The following CRMP1 variants were observed in gnomAD, a reference collection of about 807,000 sequenced individuals.
CRMP1 encodes collapsin response mediator protein 1, also known as dihydropyrimidinase-related protein 1.
CRMP1 carries 19 observed loss-of-function variants against 68.3 expected under a neutral mutation model. The ratio of observed to expected loss-of-function variants is 0.28; its 90% CI spans 0.19 to 0.41. The LOEUF (loss-of-function observed/expected upper bound fraction) is 0.41. CRMP1 is among the 10% of genes least tolerant of loss of function. The pLI is 1.00. For missense variants in CRMP1, 791 were observed against 967.4 expected (o/e 0.82, Z 2.42); for synonymous variants, 439 against 399.6 (o/e 1.10, Z -1.18).
At chr4:5,832,451 A>G (rs6446398) in intron 11 of CRMP1, among the ~76,000 whole-genome samples, 71,581 of 152,178 alleles carry the variant, frequency 0.47, 20,077 homozygotes, top group African/African-American at 0.79. Context: ...GTTGTGTTTT[A>G]TAGAAAAGTA....
At chr4:5,822,110 G>A (rs1412793514) in intron 13 of CRMP1, among the ~76,000 whole-genome samples, 6 of 152,230 alleles carry the variant, frequency 3.9e-5, no homozygotes, top group African/African-American at 1.4e-4. Context: ...AGTAAAATCC[G>A]ACATTCCTGA....
Position 5,821,885 on chromosome 4 carries a change from T to A in CRMP1, c.1970-34A>T. On this transcript the variant is annotated intron_variant, in intron 13 of 13. Coordinates refer to ENST00000324989, the MANE Select transcript of CRMP1 (RefSeq NM_001014809.3). The surrounding 1 kb of genome is among the most constrained non-coding windows in gnomAD (Gnocchi z 4.4). ...GAGCGCCAATCGCTGCTGGATGGGA[T>A]CTGTTAGCATCAGTTCCACGCTGCT... 2 of 1,502,800 alleles carry A rather than the reference T, an allele frequency of 1.3e-6. No individual in the cohort carries two copies. Among genetic ancestry groups the A allele is most frequent in the South Asian group, 2.4e-5 (2 of 83,466 alleles). The allele number at this position is 1,502,800 out of a possible 1,614,324, so 93.1% of individuals were successfully genotyped here. A position where few individuals can be genotyped will look rare whatever the true frequency, so the allele number is the denominator to read the frequency against.
chr4:5,871,664 G>A (rs76608812), intron 1 of CRMP1, among the ~76,000 whole-genome samples: 5 of 151,370 alleles, frequency 3.3e-5, no homozygotes, highest in Non-Finnish European at 7.4e-5. Flanking sequence ...CCCGCTCCCC[G>A]CCCACCAAAA....
chr4:5,831,490 C>G (rs1720378766), intron 11 of CRMP1, among the ~76,000 whole-genome samples: 2 of 152,168 alleles, frequency 1.3e-5, no homozygotes, highest in African/African-American at 4.8e-5. Context: ...TTAGCATTTG[C>G]TAACCTAATT....
In CRMP1 at chr4:5,838,400, A is replaced by G. The variant is rs1451326182; in HGVS notation, c.1310+1122T>C. Reference sequence around the variant, plus strand: ...CTGGTTCCAAGCAGAGGGGTGCTTGATCTAATCTAGGTTCTAAATGTCTGA... The same window carrying G: ...CTGGTTCCAAGCAGAGGGGTGCTTGGTCTAATCTAGGTTCTAAATGTCTGA... On this transcript the variant is annotated intron_variant, in intron 9 of 13. Transcript: ENST00000324989. The surrounding 1 kb of genome is among the most constrained non-coding windows in gnomAD (Gnocchi z 4.9). Among the ~76,000 whole-genome samples, 1 of 151,676 alleles carries G rather than the reference A, an allele frequency of 6.6e-6. No individual in the cohort carries two copies. The highest frequency in any genetic ancestry group is 2.4e-5 in the African/African-American group (1 of 41,234).
intron 3 of CRMP1, 21 bp from the exon 4 acceptor site, chr4:5,856,328 T>G: frequency 6.2e-7 from 1 of 1,610,006 alleles, no homozygotes; most frequent in South Asian, 1.1e-5. Context: ...GAAATATGCA[T>G]CATGATGCTT....
chr4:5,823,545 C>T (rs991773342), intron 13 of CRMP1, among the ~76,000 whole-genome samples: 2 of 152,204 alleles, frequency 1.3e-5, no homozygotes, highest in African/African-American at 4.8e-5. Flanking sequence ...GGGTTTGGGT[C>T]ATGAAGGACA....
Position 5,834,935 on chromosome 4 carries a change from T to C in CRMP1, c.1623+980A>G, listed in dbSNP as rs1210943199. ...CCTCTGCTTCTGCAGGCCATGTCTG[T>C]GGCAGCCAATGGATACTCCAGGGCC... On this transcript the variant is annotated intron_variant, in intron 11 of 13. Transcript: ENST00000324989. The surrounding 1 kb of genome is among the most constrained non-coding windows in gnomAD (Gnocchi z 4.3). Among the ~76,000 whole-genome samples, 9 of 152,198 alleles carry C rather than the reference T, an allele frequency of 5.9e-5. No individual in the cohort carries two copies. The highest frequency in any genetic ancestry group is 1.0e-4 in the Non-Finnish European group (7 of 68,028).
intron 2 of CRMP1, among the ~76,000 whole-genome samples, chr4:5,863,636 G>A (rs553435346): frequency 1.3e-5 from 2 of 152,020 alleles, no homozygotes; most frequent in African/African-American, 2.4e-5. Flanking sequence ...ATCACCTCCC[G>A]GTGCAGAAGA....
intron 13 of CRMP1, chr4:5,824,896 G>GA: frequency 1.0e-6 from 1 of 985,396 alleles, no homozygotes. Flanking sequence ...GAGACCTTAA[G>GA]AAAGTCAGGA....
intron 6 of CRMP1, among the ~76,000 whole-genome samples, chr4:5,847,720 T>C (rs1399367529): frequency 3.3e-5 from 5 of 152,202 alleles, no homozygotes; most frequent in Middle Eastern, 6.3e-3. Flanking sequence ...GCTCTGGAAC[T>C]AGAGGGAACT....
intron 1 of CRMP1, among the ~76,000 whole-genome samples, chr4:5,874,266 T>C (rs1714657785): frequency 6.6e-6 from 1 of 152,186 alleles, no homozygotes; most frequent in Admixed American, 6.5e-5. Context: ...TACTCAAATA[T>C]CTTCCAGGAA....
intron 11 of CRMP1, among the ~76,000 whole-genome samples, chr4:5,830,066 A>G (rs551844904): frequency 1.3e-5 from 2 of 152,250 alleles, no homozygotes. Flanking sequence ...GAAAAATACT[A>G]TCTCTAGGTG....
chr4:5,821,587 A>T lies in CRMP1; in HGVS notation c.*173T>A, dbSNP rs1161220564. 7.9e-6 allele frequency: 5 copies of T among 635,004 alleles called. No individual in the cohort carries two copies. Among genetic ancestry groups the T allele is most frequent in the African/African-American group, 3.7e-5 (2 of 54,712 alleles). 39.3% of individuals were successfully genotyped at this position (635,004 alleles called of 1,614,324 possible). On this transcript the variant is annotated 3_prime_UTR_variant, in exon 14 of 14. Coordinates refer to ENST00000324989, the MANE Select transcript of CRMP1 (RefSeq NM_001014809.3). This position sits in a 1 kb window ranked among gnomAD's most constrained non-coding sequence, Gnocchi z 4.4. Reference sequence around the variant, plus strand: ...TGTGGGGCAAGGAATTTCCAAGCAAACACACCACACTAGTACCACTTCTTC... The same window carrying T: ...TGTGGGGCAAGGAATTTCCAAGCAATCACACCACACTAGTACCACTTCTTC...
At position 5,855,230 on chromosome 4, in the gene CRMP1, AT is replaced by A. The variant is rs1712958371; in HGVS notation, c.820+912del. 6.6e-6 allele frequency among the ~76,000 whole-genome samples: 1 copy of A among 152,102 alleles called. No individual in the cohort carries two copies. Among genetic ancestry groups the A allele is most frequent in the Non-Finnish European group, 1.5e-5 (1 of 68,020 alleles). ...TTGGGGGTAGAACCAGAGGAAAACA[AT>A]TTTTTTCCTTCCATTTTCTGACTTT... On this transcript the variant is annotated intron_variant, in intron 4 of 13. Transcript: ENST00000324989. This position sits in a 1 kb window ranked among gnomAD's most constrained non-coding sequence, Gnocchi z 4.9.
intron 13 of CRMP1, chr4:5,824,605 G>A (rs979770107): frequency 1.9e-5 from 18 of 948,544 alleles, no homozygotes; most frequent in African/African-American, 8.9e-5. Flanking sequence ...GTTTCTGTAC[G>A]ATCCATGACC....
At chr4:5,824,058 G>C (rs954100755) in intron 13 of CRMP1, among the ~76,000 whole-genome samples, 1 of 152,206 alleles carries the variant, frequency 6.6e-6, no homozygotes, top group African/African-American at 2.4e-5. Context: ...ACAAGGGTGA[G>C]GAGGGGCCCT....
rs748993257 is a variant in CRMP1, at chr4:5,849,509, A to T, written c.883-37T>A. 3.5e-5 allele frequency: 36 copies of T among 1,037,900 alleles called. No individual in the cohort carries two copies. The East Asian group carries it at 5.1e-4, about 15-fold the overall frequency. 64.3% of individuals were successfully genotyped at this position (1,037,900 alleles called of 1,614,324 possible). On this transcript the variant is annotated intron_variant, in intron 5 of 13. Transcript: ENST00000324989. The stretch of plus-strand genomic sequence containing the variant: ...TAAACAGGGGTTGGTGTGAGATTTA[A>T]AAAAAAAAAAAAATCACAGCGTGTG...
rs755337631 is a variant in CRMP1, at chr4:5,839,548, G to C, written c.1284C>G (p.Pro428=). 8 of 1,610,948 alleles carry C rather than the reference G, an allele frequency of 5.0e-6. No homozygotes were observed. The South Asian group carries it at 6.7e-5, about 13-fold the overall frequency. The change falls in exon 9 of 14, where the codon CCC becomes CCG. Residue 428 remains proline (P), a synonymous_variant. Coordinates refer to ENST00000324989, the MANE Select transcript of CRMP1 (RefSeq NM_001014809.3). ...AGGCCAGTAGGGAGGTCAAGTAGTC[G>C]GGCGTGGTAGGGTCCGGGCTCAGGG... is the stretch of plus-strand genomic sequence containing the variant. ...SPPLSPDPTT[P]DYLTSLLACG...
Sources: allele counts gnomAD v4.1 joint callset (sites outside exome capture counted in the v4.1 genomes callset), GRCh38; gene constraint gnomAD v4.1.1; non-coding constraint Gnocchi (gnomAD v3.1); transcripts MANE v1.5; gene names NCBI Gene and HGNC (gene_info 2026-07-23, HGNC 2026-07-21).